Variants in GRM7 observed in about 807,000 individuals in gnomAD.
GRM7 encodes glutamate metabotropic receptor 7.
A neutral mutation model predicts 84.5 loss-of-function variants in GRM7; 35 were observed. The observed-to-expected ratio is 0.41, with a 90% CI of 0.32 to 0.55. The LOEUF (loss-of-function observed/expected upper bound fraction) is 0.55, where lower values mean the gene tolerates loss of function less well. Ranked by LOEUF, GRM7 falls within the 20% of genes least tolerant of loss-of-function variation. The probability of loss-of-function intolerance (pLI) is 0.19; values close to 1 mark genes in which losing one functional copy is unlikely to be tolerated. For synonymous variants in GRM7, 487 were observed against 455.1 expected (o/e 1.07, Z -0.89); for missense variants, 1,003 against 1,194.6 (o/e 0.84, Z 2.36).
At chr3:6,939,856 T>C (rs1422132234) in intron 1 of GRM7, among the ~76,000 whole-genome samples, 4 of 152,156 alleles carry the variant, frequency 2.6e-5, no homozygotes, top group African/African-American at 4.8e-5. Flanking sequence ...AGTGTTAACA[T>C]GTTACCCATA....
intron 1 of GRM7, among the ~76,000 whole-genome samples, chr3:7,078,152 T>C (rs2074206306): frequency 6.6e-6 from 1 of 152,228 alleles, no homozygotes; most frequent in African/African-American, 2.4e-5. Flanking sequence ...TGATGAATTC[T>C]GGTATTGATA....
chr3:7,280,886 T>C (rs903366649), intron 2 of GRM7, among the ~76,000 whole-genome samples: 12 of 152,166 alleles, frequency 7.9e-5, no homozygotes, highest in Non-Finnish European at 1.6e-4. Context: ...ACTGAACAGG[T>C]ATATGAAAAA....
chr3:7,505,755 G>C (rs540316124), intron 7 of GRM7, among the ~76,000 whole-genome samples: 2 of 152,324 alleles, frequency 1.3e-5, no homozygotes, highest in Admixed American at 6.5e-5. Flanking sequence ...GAGACCTGAG[G>C]TGGCCCTTGC....
At chr3:7,295,715 T>C (rs1429190365) in intron 2 of GRM7, among the ~76,000 whole-genome samples, 1 of 152,174 alleles carries the variant, frequency 6.6e-6, no homozygotes, top group Non-Finnish European at 1.5e-5. Context: ...GCGTTGTGTT[T>C]CAATGTAAAA....
chr3:7,230,498 G>A (rs186057694), intron 2 of GRM7, among the ~76,000 whole-genome samples: 49 of 152,248 alleles, frequency 3.2e-4, no homozygotes, highest in African/African-American at 1.1e-3. Flanking sequence ...GTTCAGCTCT[G>A]AGTGAAGGTT....
intron 8 of GRM7, among the ~76,000 whole-genome samples, chr3:7,655,584 C>CACTT (rs1699141357): frequency 6.6e-6 from 1 of 152,194 alleles, no homozygotes; most frequent in South Asian, 2.1e-4. Flanking sequence ...TTTGAGAATG[C>CACTT]ACTTATATGC....
intron 2 of GRM7, among the ~76,000 whole-genome samples, chr3:7,229,745 ATATATATATATATATTTTTTTTT>A (rs1697112228): frequency 3.2e-5 from 1 of 30,890 alleles, no homozygotes; most frequent in Admixed American, 4.5e-4. Flanking sequence ...ATATATATAT[ATATATATATATATATTTTTTTTT>A]TTTTTTGGTT....
chr3:6,938,187 C>T (rs2125052956), intron 1 of GRM7, among the ~76,000 whole-genome samples: 1 of 152,276 alleles, frequency 6.6e-6, no homozygotes, highest in African/African-American at 2.4e-5. Context: ...GATTGTTCCC[C>T]TTCATTCACC....
At chr3:7,083,671 A>AG (rs1698345826) in intron 1 of GRM7, among the ~76,000 whole-genome samples, 1 of 152,200 alleles carries the variant, frequency 6.6e-6, no homozygotes, top group African/African-American at 2.4e-5. Flanking sequence ...CCAGGTGCTG[A>AG]GAATCTAGTG....
chr3:7,165,884 A>G (rs1182915640), intron 2 of GRM7, among the ~76,000 whole-genome samples: 1 of 152,226 alleles, frequency 6.6e-6, no homozygotes, highest in Admixed American at 6.5e-5. Context: ...TTTCTCAATA[A>G]ATTAGTTCAG....
chr3:7,126,369 A>G (rs1008072240), intron 1 of GRM7, among the ~76,000 whole-genome samples: 1 of 152,226 alleles, frequency 6.6e-6, no homozygotes, highest in Non-Finnish European at 1.5e-5. Flanking sequence ...GCACTCAGGC[A>G]TAGAGCAGTA....
At chr3:7,051,980 G>A (rs1014862912) in intron 1 of GRM7, among the ~76,000 whole-genome samples, 36 of 151,636 alleles carry the variant, frequency 2.4e-4, no homozygotes, top group African/African-American at 8.4e-4. Flanking sequence ...TGTGCCAGAA[G>A]ATAAGATGAT....
intron 8 of GRM7, among the ~76,000 whole-genome samples, chr3:7,658,420 C>A (rs576432498): frequency 1.2e-4 from 19 of 152,106 alleles, no homozygotes; most frequent in Non-Finnish European, 2.5e-4. Context: ...TAGCCTTTCG[C>A]CTAGATAAAA....
Position 7,714,319 on chromosome 3 carries a change from T to C in GRM7, c.2699-26038T>C, listed in dbSNP as rs1355632627. 2.6e-5 allele frequency among the ~76,000 whole-genome samples: 4 copies of C among 152,214 alleles called. No individual in the cohort carries two copies. The East Asian group carries it at 7.7e-4, about 29-fold the overall frequency. Reference sequence around the variant, plus strand: ...AAAGAATAAAATCCAACTGGGTCTCTTCAGTTATCTCAACTTCCCAGATTT... The same window carrying C: ...AAAGAATAAAATCCAACTGGGTCTCCTCAGTTATCTCAACTTCCCAGATTT... On this transcript the variant is annotated intron_variant, in intron 9 of 9. Coordinates refer to ENST00000357716, the MANE Select transcript of GRM7 (RefSeq NM_000844.4).
intron 4 of GRM7, among the ~76,000 whole-genome samples, chr3:7,332,386 A>G (rs1050072908): frequency 6.6e-6 from 1 of 152,200 alleles, no homozygotes; most frequent in Non-Finnish European, 1.5e-5. Context: ...CCATACAGCT[A>G]TGATCAAAGA....
chr3:7,413,810 A>T (rs1696045147), intron 4 of GRM7, among the ~76,000 whole-genome samples: 1 of 152,186 alleles, frequency 6.6e-6, no homozygotes, highest in Non-Finnish European at 1.5e-5. Context: ...ACTGTTGGTG[A>T]CTAAGACAAT....
At chr3:7,311,494 T>C (rs1700391191) in intron 4 of GRM7, among the ~76,000 whole-genome samples, 1 of 152,142 alleles carries the variant, frequency 6.6e-6, no homozygotes, top group Non-Finnish European at 1.5e-5. Context: ...CTCACCCATG[T>C]AAAGTCTTCT....
At chr3:7,048,959 C>A (rs942579403) in intron 1 of GRM7, among the ~76,000 whole-genome samples, 2 of 151,704 alleles carry the variant, frequency 1.3e-5, no homozygotes, top group Non-Finnish European at 2.9e-5. Context: ...AGAATTTGTT[C>A]CTTGGTTAAA....
intron 1 of GRM7, among the ~76,000 whole-genome samples, chr3:6,896,642 A>G: frequency 6.6e-6 from 1 of 152,200 alleles, no homozygotes; most frequent in East Asian, 1.9e-4. Flanking sequence ...TTTCCACTTT[A>G]GAGAGAGGCA....
Sources: gnomAD v4.1 joint callset for allele counts (sites outside exome capture counted in the v4.1 genomes callset) on GRCh38, gnomAD v4.1.1 for gene constraint, MANE v1.5 for transcripts, NCBI Gene and HGNC (gene_info 2026-07-23, HGNC 2026-07-21) for gene names.